The following PTPRD variants were observed in gnomAD, a reference collection of about 807,000 sequenced individuals.
PTPRD encodes the protein protein tyrosine phosphatase receptor type D.
Under a neutral mutation model 214.5 loss-of-function variants are expected in PTPRD, and 34 were observed. The observed-to-expected ratio is 0.16, with a 90% CI of 0.12 to 0.21. The LOEUF (loss-of-function observed/expected upper bound fraction) is 0.21, where lower values mean the gene tolerates loss of function less well. Ranked by LOEUF, PTPRD falls within the 10% of genes least tolerant of loss-of-function variation. The pLI is 1.00. For missense variants in PTPRD, 2,545 were observed against 2,398.7 expected, an observed-to-expected ratio of 1.06 and a Z score of -1.27; for synonymous variants, 1,128 against 845.7, an observed-to-expected ratio of 1.33 and a Z score of -5.79.
At chr9:9,718,023 A>T (rs183740953) in intron 7 of PTPRD, among the ~76,000 whole-genome samples, 2 of 152,264 alleles carry the variant, frequency 1.3e-5, no homozygotes, top group East Asian at 3.9e-4. Flanking sequence ...TTCCTTACCT[A>T]CTGGGGTGAA....
At chr9:10,475,467 GT>G (rs887957597) in intron 2 of PTPRD, among the ~76,000 whole-genome samples, 3 of 151,932 alleles carry the variant, frequency 2.0e-5, no homozygotes, top group African/African-American at 7.2e-5. Flanking sequence ...GGAATAAAAA[GT>G]TCTGAAATTG....
chr9:9,749,457 A>C (rs1043637319), intron 6 of PTPRD, among the ~76,000 whole-genome samples: 3 of 152,286 alleles, frequency 2.0e-5, no homozygotes, highest in African/African-American at 7.2e-5. Context: ...AGAACAGGGA[A>C]TTATTTATTG....
At chr9:10,553,684 T>C (rs1481171313) in intron 2 of PTPRD, among the ~76,000 whole-genome samples, 2 of 152,172 alleles carry the variant, frequency 1.3e-5, no homozygotes, top group East Asian at 3.9e-4. Flanking sequence ...CCAATTCATT[T>C]TAAGAACTGT....
chr9:8,523,287 TA>T (rs1023889441), intron 19 of PTPRD, among the ~76,000 whole-genome samples: 2 of 152,022 alleles, frequency 1.3e-5, no homozygotes, highest in Non-Finnish European at 2.9e-5. Flanking sequence ...CTTACAGAGT[TA>T]AGTGTTACCA....
intron 10 of PTPRD, among the ~76,000 whole-genome samples, chr9:9,042,263 C>T (rs960764398): frequency 2.6e-5 from 4 of 152,164 alleles, no homozygotes. Flanking sequence ...AAATGCTTCC[C>T]TACCAGTTTT....
chr9:9,745,732 T>G (rs1052044926), intron 6 of PTPRD, among the ~76,000 whole-genome samples: 1 of 152,126 alleles, frequency 6.6e-6, no homozygotes, highest in Non-Finnish European at 1.5e-5. Context: ...GGCCTCAATT[T>G]TGTTTTCCTC....
intron 3 of PTPRD, among the ~76,000 whole-genome samples, chr9:10,156,657 T>C (rs1454620211): frequency 6.6e-6 from 1 of 152,146 alleles, no homozygotes; most frequent in African/African-American, 2.4e-5. Context: ...ATCCATTTGT[T>C]TCAGTGCTGA....
chr9:8,850,467 A>G (rs2097788692), intron 11 of PTPRD, among the ~76,000 whole-genome samples: 1 of 152,190 alleles, frequency 6.6e-6, no homozygotes, highest in African/African-American at 2.4e-5. Flanking sequence ...ACAAAGAACA[A>G]CTTCCATCCA....
intron 8 of PTPRD, among the ~76,000 whole-genome samples, chr9:9,516,222 T>C (rs1410961906): frequency 9.7e-6 from 1 of 103,518 alleles, no homozygotes; most frequent in Non-Finnish European, 2.3e-5. Flanking sequence ...GAAAGTTAAT[T>C]CTACAGTCCA....
intron 39 of PTPRD, among the ~76,000 whole-genome samples, chr9:8,353,771 T>G (rs1286984566): frequency 6.6e-6 from 1 of 150,544 alleles, no homozygotes; most frequent in Non-Finnish European, 1.5e-5. Flanking sequence ...TTTTGCCTAC[T>G]CACATTCGTA....
intron 11 of PTPRD, among the ~76,000 whole-genome samples, chr9:8,818,612 T>A (rs1009990165): frequency 2.6e-5 from 4 of 152,198 alleles, no homozygotes; most frequent in Non-Finnish European, 5.9e-5. Flanking sequence ...AGTCAAAAAG[T>A]TAAGTCTCCA....
At chr9:9,517,736 T>G (rs2096871992) in intron 8 of PTPRD, among the ~76,000 whole-genome samples, 1 of 152,042 alleles carries the variant, frequency 6.6e-6, no homozygotes, top group Non-Finnish European at 1.5e-5. Context: ...TATGTAAAAA[T>G]TTCCAGAAAA....
At chr9:10,485,499 G>C (rs1019044357) in intron 2 of PTPRD, among the ~76,000 whole-genome samples, 1 of 152,014 alleles carries the variant, frequency 6.6e-6, no homozygotes, top group Non-Finnish European at 1.5e-5. Context: ...TGAACATGGA[G>C]TATCTTTCCA....
chr9:8,373,322 A>G (rs1410547608), intron 39 of PTPRD, among the ~76,000 whole-genome samples: 1 of 152,042 alleles, frequency 6.6e-6, no homozygotes, highest in Admixed American at 6.6e-5. Context: ...TAAAGAGGCC[A>G]AAACTTCTTA....
intron 9 of PTPRD, among the ~76,000 whole-genome samples, chr9:9,366,864 T>A (rs548971339): frequency 2.1e-4 from 32 of 151,548 alleles, no homozygotes; most frequent in African/African-American, 5.8e-4. Flanking sequence ...AACTGATCTT[T>A]GGGTAAAGAG....
chr9:8,848,384 A>G (rs1241429007), intron 11 of PTPRD, among the ~76,000 whole-genome samples: 1 of 147,558 alleles, frequency 6.8e-6, no homozygotes, highest in Non-Finnish European at 1.5e-5. Context: ...TATACAGACT[A>G]GAATGCAGTG....
At chr9:10,383,690 A>G (rs2097861312) in intron 2 of PTPRD, among the ~76,000 whole-genome samples, 1 of 151,826 alleles carries the variant, frequency 6.6e-6, no homozygotes, top group South Asian at 2.1e-4. Context: ...GTAATAATTC[A>G]TCACAAATGA....
At chr9:10,375,046 G>C (rs2097701036) in intron 2 of PTPRD, among the ~76,000 whole-genome samples, 1 of 151,974 alleles carries the variant, frequency 6.6e-6, no homozygotes, top group Non-Finnish European at 1.5e-5. Flanking sequence ...TTATAGAACT[G>C]GGTTGCTTAT....
At chr9:10,095,658 A>G (rs1430288741) in intron 3 of PTPRD, among the ~76,000 whole-genome samples, 1 of 151,604 alleles carries the variant, frequency 6.6e-6, no homozygotes, top group Non-Finnish European at 1.5e-5. Context: ...AAACATATCA[A>G]TATTAATCTG....
Sources: allele counts gnomAD v4.1 joint callset (sites outside exome capture counted in the v4.1 genomes callset), GRCh38; gene constraint gnomAD v4.1.1; transcripts MANE v1.5; gene names NCBI Gene and HGNC (gene_info 2026-07-23, HGNC 2026-07-21).